CPNE4: variants seen among roughly 807,000 people sequenced by gnomAD.
The protein encoded by CPNE4 is copine-4.
In CPNE4, 25 loss-of-function variants were observed where a neutral mutation model predicts 67.9. That is an observed-to-expected ratio of 0.37 (90% CI 0.27 to 0.51). The LOEUF (loss-of-function observed/expected upper bound fraction) is 0.51. Ranked by LOEUF, CPNE4 falls within the 20% of genes least tolerant of loss-of-function variation. The probability of loss-of-function intolerance (pLI) is 0.93; values close to 1 mark genes in which losing one functional copy is unlikely to be tolerated. For synonymous variants in CPNE4, 242 were observed against 244.9 expected, an observed-to-expected ratio of 0.99 and a Z score of 0.11; for missense variants, 464 against 690.8, an observed-to-expected ratio of 0.67 and a Z score of 3.68.
chr3:131,714,886 G>A (rs2081645981), intron 3 of CPNE4, among the ~76,000 whole-genome samples: 1 of 152,172 alleles, frequency 6.6e-6, no homozygotes, highest in Non-Finnish European at 1.5e-5. Context: ...TCTTCAAGGT[G>A]TCAGGGATTT....
intron 2 of CPNE4, among the ~76,000 whole-genome samples, chr3:131,848,956 CAAAAAAAAAAAA>C (rs67407668): frequency 0.011 from 864 of 79,654 alleles, 14 homozygotes; most frequent in Middle Eastern, 0.027. Context: ...GTAGTGATTA[CAAAAAAAAAAAA>C]AAAAAAAAAA....
intron 2 of CPNE4, among the ~76,000 whole-genome samples, chr3:131,739,519 T>C (rs1469459121): frequency 2.0e-5 from 3 of 152,192 alleles, no homozygotes; most frequent in Non-Finnish European, 4.4e-5. Context: ...TCTGCATGTC[T>C]TACCATACCT....
intron 2 of CPNE4, among the ~76,000 whole-genome samples, chr3:131,864,542 T>C (rs1255338013): frequency 6.6e-6 from 1 of 151,970 alleles, no homozygotes; most frequent in Admixed American, 6.6e-5. Flanking sequence ...CTTGTGAATT[T>C]TGCACATTGA....
chr3:131,942,463 T>TGTGTGTGTGTGAGA (rs2071424814), intron 1 of CPNE4, among the ~76,000 whole-genome samples: 3 of 70,750 alleles, frequency 4.2e-5, no homozygotes, highest in African/African-American at 1.5e-4. Flanking sequence ...TGTGTGTGTG[T>TGTGTGTGTGTGAGA]GAGAGAGAGA....
At chr3:131,988,734 T>C (rs146077110) in intron 1 of CPNE4, among the ~76,000 whole-genome samples, 1 of 152,342 alleles carries the variant, frequency 6.6e-6, no homozygotes, top group Non-Finnish European at 1.5e-5. Flanking sequence ...TTATGTAAAT[T>C]TATTTTTTAG....
chr3:131,779,371 C>T (rs928729950), intron 2 of CPNE4, among the ~76,000 whole-genome samples: 1 of 151,840 alleles, frequency 6.6e-6, no homozygotes, highest in African/African-American at 2.4e-5. Context: ...ACCTGAATAG[C>T]CAAATCAATC....
chr3:131,741,103 G>T (rs1378818880), intron 2 of CPNE4, among the ~76,000 whole-genome samples: 1 of 152,006 alleles, frequency 6.6e-6, no homozygotes, highest in East Asian at 1.9e-4. Flanking sequence ...TCCATTTGCT[G>T]CTTTAATTTT....
At chr3:131,606,582 C>T (rs1939521351) in intron 7 of CPNE4, among the ~76,000 whole-genome samples, 1 of 152,276 alleles carries the variant, frequency 6.6e-6, no homozygotes, top group African/African-American at 2.4e-5. Context: ...GTGTCCACGA[C>T]ATTTCTTTGG....
chr3:131,699,819 A>C, intron 4 of CPNE4, 90 bp downstream of exon 4: 1 of 912,720 alleles, frequency 1.1e-6, no homozygotes. Context: ...CAATATCAGA[A>C]AGTCTGCTTC....
chr3:131,909,460 T>C (rs1247780438), intron 1 of CPNE4, among the ~76,000 whole-genome samples: 1 of 152,178 alleles, frequency 6.6e-6, no homozygotes, highest in Non-Finnish European at 1.5e-5. Context: ...TCCTCCCTCA[T>C]TTATTCATTT....
chr3:132,034,500 A>G, intron 1 of CPNE4, 67 bp downstream of exon 1: 1 of 797,512 alleles, frequency 1.3e-6, no homozygotes, highest in African/African-American at 1.9e-5. Flanking sequence ...GCTACGCAGC[A>G]GCTCCAACAG....
At chr3:131,836,783 C>G (rs566534846) in intron 2 of CPNE4, among the ~76,000 whole-genome samples, 6 of 152,138 alleles carry the variant, frequency 3.9e-5, no homozygotes, top group African/African-American at 1.4e-4. Context: ...AGAATGAAAA[C>G]TCAAGCTACA....
intron 7 of CPNE4, among the ~76,000 whole-genome samples, chr3:131,636,036 C>G (rs917532378): frequency 2.2e-5 from 2 of 91,644 alleles, no homozygotes; most frequent in Non-Finnish European, 3.8e-5. Flanking sequence ...AGCCGAGATC[C>G]CGCCACTGCA....
intron 2 of CPNE4, among the ~76,000 whole-genome samples, chr3:131,746,200 CATAT>C (rs2082485697): frequency 6.6e-6 from 1 of 152,062 alleles, no homozygotes; most frequent in Admixed American, 6.6e-5. Context: ...TTTAGATTCA[CATAT>C]ATAGTGTGAT....
intron 6 of CPNE4, among the ~76,000 whole-genome samples, chr3:131,683,451 G>T (rs189827065): frequency 6.6e-6 from 1 of 152,294 alleles, no homozygotes; most frequent in East Asian, 1.9e-4. Context: ...GGGACCTCAG[G>T]ACTCTGCCTG....
intron 2 of CPNE4, among the ~76,000 whole-genome samples, chr3:131,785,244 C>T (rs2083526563): frequency 6.6e-6 from 1 of 152,100 alleles, no homozygotes; most frequent in Non-Finnish European, 1.5e-5. Context: ...TAATTTAACT[C>T]TTCTCCTTGG....
chr3:132,037,965 G>A (rs149180425), upstream of CPNE4: 2 of 171,628 alleles, frequency 1.2e-5, no homozygotes, highest in South Asian at 2.0e-4. Flanking sequence ...TGAGCATTTA[G>A]TTTTGAAATG....
At chr3:131,807,570 T>C (rs1583236149) in intron 2 of CPNE4, among the ~76,000 whole-genome samples, 1 of 152,146 alleles carries the variant, frequency 6.6e-6, no homozygotes, top group African/African-American at 2.4e-5. Context: ...CATGTAAACA[T>C]GTACATTTAT....
At chr3:131,546,347 T>C (rs547814587) in intron 14 of CPNE4, among the ~76,000 whole-genome samples, 83 of 152,296 alleles carry the variant, frequency 5.4e-4, no homozygotes, top group African/African-American at 2.0e-3. Context: ...TGAAATATTA[T>C]AGTCTTTGAA....
Sources: allele counts gnomAD v4.1 joint callset (sites outside exome capture counted in the v4.1 genomes callset), GRCh38; gene constraint gnomAD v4.1.1; transcripts MANE v1.5; gene names NCBI Gene and HGNC (gene_info 2026-07-23, HGNC 2026-07-21).